Variants in HCN1 observed in about 807,000 individuals in gnomAD.
HCN1 encodes hyperpolarization activated cyclic nucleotide gated potassium channel 1.
In HCN1, 13 loss-of-function variants were observed where a neutral mutation model predicts 78.9. The ratio of observed to expected loss-of-function variants is 0.16; its 90% CI spans 0.11 to 0.26. The LOEUF is 0.26. Among genes scored for constraint, HCN1 ranks in the 10% least tolerant of loss-of-function variants. HCN1 has a pLI of 1.00. For synonymous variants in HCN1, 552 were observed against 455.5 expected, an observed-to-expected ratio of 1.21 and a Z score of -2.70; for missense variants, 810 against 1,154.3, an observed-to-expected ratio of 0.70 and a Z score of 4.32.
At chr5:45,547,041 C>T (rs937689718) in intron 2 of HCN1, among the ~76,000 whole-genome samples, 1 of 151,934 alleles carries the variant, frequency 6.6e-6, no homozygotes, top group African/African-American at 2.4e-5. Flanking sequence ...TGATTCTCTA[C>T]ATTAGTACAA....
chr5:45,495,925 C>T (rs989681525), intron 2 of HCN1, among the ~76,000 whole-genome samples: 1 of 152,118 alleles, frequency 6.6e-6, no homozygotes. Context: ...GTATATTGAA[C>T]CAGCCTTGCA....
At chr5:45,494,895 A>C (rs1053827780) in intron 2 of HCN1, among the ~76,000 whole-genome samples, 1 of 151,730 alleles carries the variant, frequency 6.6e-6, no homozygotes, top group Non-Finnish European at 1.5e-5. Context: ...GGTTTGTCAA[A>C]GATCAGATAG....
At chr5:45,520,044 A>G (rs1453501754) in intron 2 of HCN1, among the ~76,000 whole-genome samples, 1 of 152,036 alleles carries the variant, frequency 6.6e-6, no homozygotes, top group Non-Finnish European at 1.5e-5. Flanking sequence ...ATATTTATGT[A>G]TAACATTTAT....
chr5:45,502,770 T>G (rs959203232), intron 2 of HCN1, among the ~76,000 whole-genome samples: 1 of 152,130 alleles, frequency 6.6e-6, no homozygotes, highest in African/African-American at 2.4e-5. Context: ...GATAAATCAT[T>G]CCACGGCTAT....
intron 4 of HCN1, among the ~76,000 whole-genome samples, chr5:45,375,989 T>C (rs1222515925): frequency 3.4e-5 from 4 of 118,178 alleles, no homozygotes; most frequent in Non-Finnish European, 4.8e-5. Context: ...ATATTATATA[T>C]GATATAATAT....
intron 4 of HCN1, among the ~76,000 whole-genome samples, chr5:45,394,526 T>A (rs577433717): frequency 2.0e-4 from 31 of 152,318 alleles, no homozygotes; most frequent in Non-Finnish European, 2.9e-4. Flanking sequence ...TCATAAAAAG[T>A]AAAATTTTTA....
chr5:45,407,651 C>T (rs913986005), intron 3 of HCN1, among the ~76,000 whole-genome samples: 3 of 152,088 alleles, frequency 2.0e-5, no homozygotes, highest in African/African-American at 7.2e-5. Context: ...TCCCAAGTAG[C>T]TGGGATTACA....
At chr5:45,620,466 T>C (rs1017051162) in intron 2 of HCN1, among the ~76,000 whole-genome samples, 2 of 151,918 alleles carry the variant, frequency 1.3e-5, no homozygotes, top group Non-Finnish European at 1.5e-5. Flanking sequence ...AATCTAAAAT[T>C]ATTTTCAAAT....
chr5:45,423,163 A>AC (rs1740262309), intron 3 of HCN1, among the ~76,000 whole-genome samples: 1 of 152,202 alleles, frequency 6.6e-6, no homozygotes, highest in African/African-American at 2.4e-5. Flanking sequence ...CCCCATAAAT[A>AC]CATGCACCTA....
At chr5:45,532,185 A>G (rs982323682) in intron 2 of HCN1, among the ~76,000 whole-genome samples, 4 of 152,206 alleles carry the variant, frequency 2.6e-5, no homozygotes, top group African/African-American at 9.7e-5. Context: ...GTTAAATACA[A>G]TTTACTTGAC....
intron 6 of HCN1, among the ~76,000 whole-genome samples, chr5:45,293,464 C>A (rs565238666): frequency 6.6e-6 from 1 of 151,760 alleles, no homozygotes; most frequent in South Asian, 2.1e-4. Context: ...GGTGACAGAG[C>A]AAGACATGGT....
At chr5:45,572,491 A>C (rs1579976483) in intron 2 of HCN1, among the ~76,000 whole-genome samples, 1 of 152,158 alleles carries the variant, frequency 6.6e-6, no homozygotes, top group Non-Finnish European at 1.5e-5. Context: ...AATATCTATA[A>C]ATGATTTTTT....
intron 2 of HCN1, among the ~76,000 whole-genome samples, chr5:45,505,546 G>A (rs146229505): frequency 0.048 from 7,265 of 152,158 alleles, 279 homozygotes; most frequent in South Asian, 0.19. Context: ...GATGCCTCCC[G>A]CTTTGTTCTT....
At chr5:45,264,994 T>A (rs535520403) in intron 7 of HCN1, among the ~76,000 whole-genome samples, 1 of 152,182 alleles carries the variant, frequency 6.6e-6, no homozygotes, top group East Asian at 1.9e-4. Flanking sequence ...GTCAAGACCG[T>A]CCTGGCCAAC....
intron 3 of HCN1, among the ~76,000 whole-genome samples, chr5:45,452,909 C>T (rs1329395770): frequency 1.3e-5 from 2 of 151,946 alleles, no homozygotes; most frequent in African/African-American, 4.8e-5. Context: ...AAAAAGTGTC[C>T]CTCCTATTCT....
At chr5:45,527,497 C>T (rs1437233968) in intron 2 of HCN1, among the ~76,000 whole-genome samples, 2 of 151,388 alleles carry the variant, frequency 1.3e-5, no homozygotes. Flanking sequence ...TATCAGAAAT[C>T]TTTCCTTTCC....
chr5:45,338,296 C>T (rs1379485048), intron 5 of HCN1, among the ~76,000 whole-genome samples: 2 of 152,070 alleles, frequency 1.3e-5, no homozygotes, highest in African/African-American at 4.8e-5. Context: ...AATTCCCAGA[C>T]TTGTGTTAAA....
At chr5:45,376,220 A>G (rs1473908760) in intron 4 of HCN1, among the ~76,000 whole-genome samples, 2 of 108,462 alleles carry the variant, frequency 1.8e-5, no homozygotes, top group Non-Finnish European at 3.4e-5. Context: ...ATAATACATT[A>G]TATATAATAT....
chr5:45,262,424 C>A lies in HCN1; in HGVS notation c.2170G>T (p.Ala724Ser), dbSNP rs141383188. Residue 724 changes from alanine to serine, a missense_variant, in exon 8 of 8, where the codon GCC becomes TCC. This residue lies in a region of HCN1 where 398 missense variants were observed against 381.3 expected (regional missense o/e 1.04). Coordinates refer to ENST00000303230, the MANE Select transcript of HCN1 (RefSeq NM_021072.4). ...TGTTGCATGAGTGACAGCTGGGAGG[C>A]GGTGGGGGAGGCATAGTGGAAAGTT... ...ARTFHYASPT[A>S]SQLSLMQQQP... 1.2e-6 allele frequency: 2 copies of A among 1,611,060 alleles called. No homozygotes were observed. Among genetic ancestry groups the A allele is most frequent in the African/African-American group, 2.7e-5 (2 of 74,908 alleles).
Sources: allele counts gnomAD v4.1 joint callset (sites outside exome capture counted in the v4.1 genomes callset), GRCh38; gene constraint gnomAD v4.1.1; regional missense constraint gnomAD v4.1.1; transcripts MANE v1.5; gene names NCBI Gene and HGNC (gene_info 2026-07-23, HGNC 2026-07-21).